The following TTC12 variants were observed in gnomAD, a reference collection of about 807,000 sequenced individuals.
TTC12 encodes tetratricopeptide repeat domain 12, also known as tetratricopeptide repeat protein 12.
TTC12 carries 70 observed loss-of-function variants against 90.1 expected under a neutral mutation model. The observed-to-expected ratio is 0.78, with a 90% CI of 0.64 to 0.95. TTC12 has a LOEUF of 0.95. TTC12 is among the 40% of genes least tolerant of loss of function. TTC12 has a pLI of 0.00. For synonymous variants in TTC12, 296 were observed against 311.5 expected, an observed-to-expected ratio of 0.95 and a Z score of 0.53; for missense variants, 819 against 846.1, an observed-to-expected ratio of 0.97 and a Z score of 0.40.
rs767517450 is a variant in TTC12 at position 113,364,897 on chromosome 11, C to G, written c.1879C>G (p.Leu627Val). The stretch of plus-strand genomic sequence containing the variant: ...TGAGGTTCTGGTGGGCAACGCTGCC[C>G]TCTGCCTTGGTAACTGCATGGAGGT... Reference protein sequence around the residue: ...EDEVLVGNAALCLGNCMEVPN... With the variant: ...EDEVLVGNAAVCLGNCMEVPN... Residue 627 changes from leucine to valine, a missense_variant, in exon 21 of 22, where the codon CTC becomes GTC. Leu to Val is a conservative substitution (Grantham distance 32). Coordinates refer to ENST00000529221, the MANE Select transcript of TTC12 (RefSeq NM_017868.4). The G allele has an allele frequency of 1.9e-5, 31 of 1,614,096 alleles. No individual in the cohort carries two copies. The highest frequency in any genetic ancestry group is 4.0e-5 in the African/African-American group (3 of 74,928).
intron 17 of TTC12, 122 bp from the exon 18 acceptor site, chr11:113,359,818 T>C: frequency 2.8e-6 from 2 of 715,336 alleles, no homozygotes; most frequent in South Asian, 1.8e-5. Context: ...GATGGTGTTG[T>C]GAGGGAACCT....
intron 16 of TTC12, among the ~76,000 whole-genome samples, chr11:113,358,267 G>A (rs2138061428): frequency 6.6e-6 from 1 of 152,300 alleles, no homozygotes; most frequent in East Asian, 1.9e-4. Context: ...GGCAAGGAAA[G>A]CAAAACCTGC....
At position 113,324,800 on chromosome 11, in the gene TTC12, G is replaced by GT. The variant is rs1947582766; in HGVS notation, c.322+118_322+119insT. On this transcript the variant is annotated intron_variant, in intron 5 of 21. Coordinates refer to ENST00000529221, the MANE Select transcript of TTC12 (RefSeq NM_017868.4). ...ATTCCCAGTGGTGAGGTTTGTGATGGGCTTGAGGCAGTGGGACCTGGCCAG... is the reference window on the plus strand; with the variant it reads ...ATTCCCAGTGGTGAGGTTTGTGATGGTGCTTGAGGCAGTGGGACCTGGCCAG... The GT allele has an allele frequency of 6.0e-6, 5 of 836,182 alleles. No individual in the cohort carries two copies. The Admixed American group carries it at 9.9e-5, about 17-fold the overall frequency. 51.8% of individuals were successfully genotyped at this position (836,182 alleles called of 1,614,324 possible).
At chr11:113,364,130 A>G (rs1012970521) in intron 20 of TTC12, among the ~76,000 whole-genome samples, 1 of 152,250 alleles carries the variant, frequency 6.6e-6, no homozygotes, top group African/African-American at 2.4e-5. Flanking sequence ...TAGAATGCCC[A>G]GGCTGGAGAC....
chr11:113,341,186 C>T (rs781968491), intron 11 of TTC12, among the ~76,000 whole-genome samples: 6 of 152,110 alleles, frequency 3.9e-5, no homozygotes, highest in South Asian at 2.1e-4. Flanking sequence ...GCCGAGATCA[C>T]GCCACTGTAC....
rs115982603 is a variant in TTC12 at position 113,341,980 on chromosome 11, C to T, written c.985+55C>T. 2,372 of 1,476,376 alleles carry T rather than the reference C, an allele frequency of 1.6e-3. 25 individuals are homozygous for T. In the African/African-American group the frequency reaches 0.028, roughly 17 times the overall value. The allele number at this position is 1,476,376 out of a possible 1,614,324, so 91.5% of individuals were successfully genotyped here. A position where few individuals can be genotyped will look rare whatever the true frequency, so the allele number is the denominator to read the frequency against. Reference sequence around the variant, plus strand: ...ATTAATGCGCTGCGTGCAGGAACTACGCTGTTGGGTGGACTGTCCTCCCCA... The same window carrying T: ...ATTAATGCGCTGCGTGCAGGAACTATGCTGTTGGGTGGACTGTCCTCCCCA... On this transcript the variant is annotated intron_variant, in intron 12 of 21. Coordinates refer to ENST00000529221, the MANE Select transcript of TTC12 (RefSeq NM_017868.4).
chr11:113,348,329 C>G (rs183386673), intron 13 of TTC12, among the ~76,000 whole-genome samples: 1 of 152,320 alleles, frequency 6.6e-6, no homozygotes, highest in East Asian at 1.9e-4. Flanking sequence ...AGATAGTATG[C>G]TGCCAGCTCT....
rs1034180386 is a variant in TTC12, at chr11:113,359,375, G to A, written c.1459G>A (p.Glu487Lys). Residue 487 changes from glutamate (E) to lysine (K), a missense_variant, in exon 17 of 22, where the codon GAG (glutamate) becomes AAG (lysine). Coordinates refer to ENST00000529221, the MANE Select transcript of TTC12 (RefSeq NM_017868.4). ...TTTGTTTCCCAAGGCCAGGTGTGAG[G>A]AGGATGTGGACCTGTTCAGAGAGGT... is the stretch of plus-strand genomic sequence containing the variant. ...GCLSLLARCE[E>K]DVDLFREVIY... The A allele has an allele frequency of 6.2e-7, 1 of 1,608,596 alleles. No homozygotes were observed. The highest frequency in any genetic ancestry group is 1.3e-5 in the African/African-American group (1 of 74,842).
downstream of TTC12, among the ~76,000 whole-genome samples, chr11:113,370,987 T>C (rs1022219520): frequency 6.6e-6 from 1 of 152,152 alleles, no homozygotes; most frequent in Non-Finnish European, 1.5e-5. Context: ...CACACGGAAT[T>C]CATCTCGCTG....
chr11:113,336,847 A>G (rs916695363), intron 8 of TTC12, among the ~76,000 whole-genome samples: 4 of 152,190 alleles, frequency 2.6e-5, no homozygotes, highest in South Asian at 2.1e-4. Flanking sequence ...TCAAATTTCT[A>G]TATGAACTTC....
intron 2 of TTC12, among the ~76,000 whole-genome samples, chr11:113,317,502 C>T (rs1947016203): frequency 6.6e-6 from 1 of 152,168 alleles, no homozygotes; most frequent in Admixed American, 6.5e-5. Context: ...GTTCTTCTCA[C>T]CCAGACTATG....
intron 6 of TTC12, 59 bp from the exon 7 acceptor site, chr11:113,329,861 A>G (rs1947925113): frequency 8.7e-6 from 12 of 1,382,492 alleles, no homozygotes; most frequent in Admixed American, 1.7e-5. Flanking sequence ...TTTCTGTGTG[A>G]ACTGAAAACT....
intron 5 of TTC12, 58 bp downstream of exon 5, chr11:113,324,740 C>T (rs1323042379): frequency 4.1e-6 from 6 of 1,460,802 alleles, no homozygotes; most frequent in African/African-American, 2.8e-5. Context: ...AAAGAGCACA[C>T]GAAGGCCTGT....
chr11:113,327,160 T>C (rs1259638191), intron 6 of TTC12, among the ~76,000 whole-genome samples: 2 of 152,232 alleles, frequency 1.3e-5, no homozygotes, highest in Non-Finnish European at 2.9e-5. Flanking sequence ...TCATCTAAAT[T>C]ATATTTTCAC....
In TTC12 at chr11:113,359,284, A is replaced by G. The variant is rs1188477120; in HGVS notation, c.1447-79A>G. 3 of 908,882 alleles carry G rather than the reference A, an allele frequency of 3.3e-6. No homozygotes were observed. In the South Asian group the frequency reaches 4.6e-5, roughly 14 times the overall value. 56.3% of individuals were successfully genotyped at this position (908,882 alleles called of 1,614,324 possible). A position where few individuals can be genotyped will look rare whatever the true frequency, so the allele number is the denominator to read the frequency against. The stretch of plus-strand genomic sequence containing the variant: ...TTTAGGGAGTGTGGGGAACTCTGAG[A>G]CCCTTGTCCAAGGGAAAAGATGACC... On this transcript the variant is annotated intron_variant, in intron 16 of 21. Transcript: ENST00000529221.
rs1950066675 is a variant in TTC12 at position 113,363,814 on chromosome 11, A to G, written c.1717-14A>G. ...GCACTGATTTTATTTTTCTAATTTCATTCTGAAATCTAGACAGGAGGTGAG... is the reference window on the plus strand; with the variant it reads ...GCACTGATTTTATTTTTCTAATTTCGTTCTGAAATCTAGACAGGAGGTGAG... On this transcript the variant is annotated splice_polypyrimidine_tract_variant and intron_variant, in intron 19 of 21. Transcript: ENST00000529221. The G allele has an allele frequency of 2.5e-6, 4 of 1,581,340 alleles. No individual in the cohort carries two copies. Among genetic ancestry groups the G allele is most frequent in the Non-Finnish European group, 8.7e-7 (1 of 1,152,946 alleles).
intron 2 of TTC12, among the ~76,000 whole-genome samples, chr11:113,318,609 T>G (rs74234203): frequency 6.6e-6 from 1 of 151,988 alleles, no homozygotes; most frequent in Admixed American, 6.6e-5. Context: ...TGTGAATTTT[T>G]GGGGGGGATG....
intron 20 of TTC12, chr11:113,364,488 C>A: frequency 3.1e-6 from 1 of 317,858 alleles, no homozygotes; most frequent in Non-Finnish European, 6.1e-6. Context: ...ATTGCCTCCA[C>A]CTGGGGGCTG....
chr11:113,335,980 CT>C (rs769435881), intron 8 of TTC12, among the ~76,000 whole-genome samples: 4 of 152,038 alleles, frequency 2.6e-5, no homozygotes, highest in African/African-American at 9.7e-5. Flanking sequence ...TATGTTTAAC[CT>C]TTTGAGGAAC....
Sources: allele counts gnomAD v4.1 joint callset (sites outside exome capture counted in the v4.1 genomes callset), GRCh38; gene constraint gnomAD v4.1.1; transcripts MANE v1.5; gene names NCBI Gene and HGNC (gene_info 2026-07-23, HGNC 2026-07-21).